KIF13A: variants seen among roughly 807,000 people sequenced by gnomAD.
The protein encoded by KIF13A is kinesin family member 13A.
A neutral mutation model predicts 212.2 loss-of-function variants in KIF13A; 79 were observed. That is an observed-to-expected ratio of 0.37 (90% CI 0.31 to 0.45). KIF13A has a LOEUF of 0.45. Among genes scored for constraint, KIF13A ranks in the 20% least tolerant of loss-of-function variants. KIF13A has a pLI of 1.00. For missense variants in KIF13A, 1,901 were observed against 2,209.0 expected (o/e 0.86, Z 2.79); for synonymous variants, 789 against 808.6 (o/e 0.98, Z 0.41).
At chr6:17,808,083 C>G (rs774066413) in intron 18 of KIF13A, among the ~76,000 whole-genome samples, 4 of 152,142 alleles carry the variant, frequency 2.6e-5, no homozygotes, top group Non-Finnish European at 5.9e-5. Context: ...GTAGAATTCA[C>G]TCTTAAAAAG....
At chr6:17,817,304 G>A in intron 16 of KIF13A, 71 bp from the exon 17 acceptor site, 1 of 1,353,680 alleles carries the variant, frequency 7.4e-7, no homozygotes, top group South Asian at 1.2e-5. Context: ...AGGCACTGCA[G>A]CCTGTGGGAG....
At chr6:17,901,081 C>CAAAA (rs34266366) in intron 2 of KIF13A, among the ~76,000 whole-genome samples, 4 of 70,284 alleles carry the variant, frequency 5.7e-5, no homozygotes, top group African/African-American at 9.9e-5. Flanking sequence ...GACTCTGTCT[C>CAAAA]AAAAAAAAAA....
chr6:17,760,785 C>T, downstream of KIF13A: 1 of 1,481,124 alleles, frequency 6.8e-7, no homozygotes, highest in Non-Finnish European at 9.4e-7. Context: ...AGAGATGGGG[C>T]TGGTGCTTGC....
chr6:17,925,359 T>C (rs1369275418), intron 2 of KIF13A, among the ~76,000 whole-genome samples: 1 of 152,214 alleles, frequency 6.6e-6, no homozygotes, highest in African/African-American at 2.4e-5. Flanking sequence ...TGAGAGGCTG[T>C]GGGAAGAGCT....
chr6:17,929,135 ACTACCTG>A (rs1483721279), intron 2 of KIF13A, among the ~76,000 whole-genome samples: 1 of 151,620 alleles, frequency 6.6e-6, no homozygotes, highest in Non-Finnish European at 1.5e-5. Context: ...TTGTTAAATC[ACTACCTG>A]CTTTGTAAAG....
chr6:17,879,981 T>A, intron 3 of KIF13A, among the ~76,000 whole-genome samples: 1 of 152,200 alleles, frequency 6.6e-6, no homozygotes, highest in East Asian at 1.9e-4. Flanking sequence ...AAAAACTTTA[T>A]TTTAGAGAGA....
Position 17,855,250 on chromosome 6 carries a change from C to T in KIF13A, c.494+187G>A, listed in dbSNP as rs1768034794. On this transcript the variant is annotated intron_variant, in intron 6 of 38. Transcript: ENST00000259711. This position sits in a 1 kb window ranked among gnomAD's most constrained non-coding sequence, Gnocchi z 4.1. The stretch of plus-strand genomic sequence containing the variant: ...AAGGGCATACATAGGCAACTTTATA[C>T]ATTAATGTAGGATAAACACTGGGTA... Among the ~76,000 whole-genome samples, 1 of 152,192 alleles carries T rather than the reference C, an allele frequency of 6.6e-6. No individual in the cohort carries two copies. The highest frequency in any genetic ancestry group is 1.5e-5 in the Non-Finnish European group (1 of 68,044).
chr6:17,796,296 G>C (rs556481555), intron 23 of KIF13A, among the ~76,000 whole-genome samples: 101 of 147,442 alleles, frequency 6.9e-4, no homozygotes, highest in African/African-American at 2.4e-3. Flanking sequence ...CCAGCTCCCG[G>C]GTTTTATTTA....
At chr6:17,804,642 T>C in intron 19 of KIF13A, 132 bp from the exon 20 acceptor site, 1 of 964,030 alleles carries the variant, frequency 1.0e-6, no homozygotes, top group Non-Finnish European at 1.5e-6. Flanking sequence ...AAAATTATAA[T>C]GTCACATAAA....
chr6:17,940,835 T>A (rs1349083613), intron 2 of KIF13A, among the ~76,000 whole-genome samples: 1 of 151,382 alleles, frequency 6.6e-6, no homozygotes, highest in African/African-American at 2.4e-5. Context: ...TTTTTTTTTT[T>A]TTTTTTTTGA....
intron 9 of KIF13A, among the ~76,000 whole-genome samples, chr6:17,840,286 GT>G (rs557087906): frequency 4.2e-4 from 64 of 152,142 alleles, no homozygotes; most frequent in African/African-American, 1.4e-3. Flanking sequence ...TCCTCCAAAG[GT>G]AACAATTTTA....
At chr6:17,821,280 T>C (rs969870719) in intron 16 of KIF13A, among the ~76,000 whole-genome samples, 1 of 152,208 alleles carries the variant, frequency 6.6e-6, no homozygotes, top group Non-Finnish European at 1.5e-5. Context: ...ACTAGGTTTC[T>C]TTTTACTTTT....
chr6:17,887,998 G>A (rs1771706001), intron 3 of KIF13A, among the ~76,000 whole-genome samples: 1 of 151,926 alleles, frequency 6.6e-6, no homozygotes, highest in Admixed American at 6.6e-5. Flanking sequence ...GAGCCACTGG[G>A]CCCAGCCCCT....
At chr6:17,784,437 CA>C (rs1199425983) in intron 28 of KIF13A, among the ~76,000 whole-genome samples, 3 of 151,960 alleles carry the variant, frequency 2.0e-5, no homozygotes, top group African/African-American at 4.8e-5. Flanking sequence ...AAAAAACAAA[CA>C]AAAAAACCCA....
chr6:17,770,605 G>A (rs1172010625), intron 38 of KIF13A: 1 of 157,572 alleles, frequency 6.3e-6, no homozygotes, highest in Admixed American at 6.5e-5. Flanking sequence ...GGCTACCCTA[G>A]ACAGTGAGAC....
chr6:17,815,848 CCTT>C (rs1351916234), intron 17 of KIF13A, among the ~76,000 whole-genome samples: 1 of 151,698 alleles, frequency 6.6e-6, no homozygotes, highest in Non-Finnish European at 1.5e-5. Flanking sequence ...ACCACTTTCT[CCTT>C]TGAGAGTTCT....
rs1469457299 is a variant in KIF13A, at chr6:17,947,526, A to G, written c.146+39528T>C. Among the ~76,000 whole-genome samples, 1 of 152,134 alleles carries G rather than the reference A, an allele frequency of 6.6e-6. No individual in the cohort carries two copies. On this transcript the variant is annotated intron_variant, in intron 2 of 38. Coordinates refer to ENST00000259711, the MANE Select transcript of KIF13A (RefSeq NM_022113.6). The surrounding 1 kb of genome is among the most constrained non-coding windows in gnomAD (Gnocchi z 4.6). ...TGTTAAATTTCCTGAATTTGGTAAT[A>G]GTCTTAGAAAATACACCAAGAGCTG... is the stretch of plus-strand genomic sequence containing the variant.
At chr6:17,822,656 C>T (rs550254204) in intron 16 of KIF13A, among the ~76,000 whole-genome samples, 6 of 152,262 alleles carry the variant, frequency 3.9e-5, no homozygotes, top group African/African-American at 7.2e-5. Context: ...CTGTAACGTC[C>T]GCTGAAGCAA....
At position 17,764,241 on chromosome 6, in the gene KIF13A, T is replaced by C; in HGVS notation, c.5287A>G (p.Ser1763Gly). 6.2e-7 allele frequency: 1 copy of C among 1,613,974 alleles called. No individual in the cohort carries two copies. Among genetic ancestry groups the C allele is most frequent in the Non-Finnish European group, 8.5e-7 (1 of 1,179,886 alleles). Reference sequence around the variant, plus strand: ...TTGCCGCCTGTTTTATTTGGTAGACTCCTCCTACTGGAAAGCTCTCCAGCA... The same window carrying C: ...TTGCCGCCTGTTTTATTTGGTAGACCCCTCCTACTGGAAAGCTCTCCAGCA... ...SSAGELSSRRSLPNKTGGKTV... is the reference protein window; with the variant it reads ...SSAGELSSRRGLPNKTGGKTV... The change falls in exon 39 of 39, where the codon AGT becomes GGT. Residue 1763 changes from serine to glycine, a missense_variant. Around this residue, in one of 5 missense-constraint regions of KIF13A, gnomAD observed 687 missense variants for 759.1 expected, o/e 0.90. Coordinates refer to ENST00000259711, the MANE Select transcript of KIF13A (RefSeq NM_022113.6). The surrounding 1 kb of genome is among the most constrained non-coding windows in gnomAD (Gnocchi z 5.1).
Sources: allele counts gnomAD v4.1 joint callset (sites outside exome capture counted in the v4.1 genomes callset), GRCh38; gene constraint gnomAD v4.1.1; regional missense constraint gnomAD v4.1.1; non-coding constraint Gnocchi (gnomAD v3.1); transcripts MANE v1.5; gene names NCBI Gene and HGNC (gene_info 2026-07-23, HGNC 2026-07-21).